Variants in LMF1 observed in about 807,000 individuals in gnomAD.
LMF1 encodes the protein transmembrane protein 112.
Under a neutral mutation model 60.6 loss-of-function variants are expected in LMF1, and 68 were observed. The observed-to-expected ratio is 1.12, with a 90% confidence interval of 0.92 to 1.37. LMF1 has a LOEUF of 1.37. Ranked by LOEUF, LMF1 falls within the 40% of genes most tolerant of loss-of-function variation. The pLI, the probability that LMF1 is intolerant of heterozygous loss-of-function variation, is 0.00. For missense variants in LMF1, 948 were observed against 767.2 expected (o/e 1.24, Z -2.78); for synonymous variants, 418 against 324.7 (o/e 1.29, Z -3.09).
chr16:962,236 G>C lies in LMF1; in HGVS notation c.194-7570C>G, dbSNP rs1292219303. ...ACTCACGGTGACAGCATGGGATCAC[G>C]ACCCAGACACAGACTCACGGTGACA... On this transcript the variant is annotated intron_variant, in intron 1 of 10. Transcript: ENST00000262301. This position sits in a 1 kb window ranked among gnomAD's most constrained non-coding sequence, Gnocchi z 4.5. Among the ~76,000 whole-genome samples, 2 of 149,340 alleles carry C rather than the reference G, an allele frequency of 1.3e-5. No individual in the cohort carries two copies. The highest frequency in any genetic ancestry group is 3.0e-5 in the Non-Finnish European group (2 of 67,312).
At chr16:979,567 T>C in intron 1 of LMF1, 2 of 445,484 alleles carry the variant, frequency 4.5e-6, no homozygotes, top group Non-Finnish European at 9.0e-6. Context: ...CCAACCTCAG[T>C]CTCCCTTCCT....
intron 2 of LMF1, among the ~76,000 whole-genome samples, chr16:949,638 T>A (rs413342): frequency 1.2e-5 from 1 of 80,426 alleles, no homozygotes; most frequent in African/African-American, 7.7e-5. Context: ...AATGACAGAG[T>A]CAGCCAATGA....
At chr16:864,657 A>ACTAT (rs562364151) in intron 10 of LMF1, among the ~76,000 whole-genome samples, 6 of 149,468 alleles carry the variant, frequency 4.0e-5, no homozygotes, top group Admixed American at 2.6e-4. Flanking sequence ...TATTTAAGTT[A>ACTAT]CTATCTTTTT....
Position 926,634 on chromosome 16 carries a change from TAC to T in LMF1, c.514+7608_514+7609del, listed in dbSNP as rs746963007. Among the ~76,000 whole-genome samples the T allele has an allele frequency of 1.1e-4, 17 of 152,282 alleles. No individual in the cohort carries two copies. The East Asian group carries it at 3.3e-3, about 29-fold the overall frequency. The stretch of plus-strand genomic sequence containing the variant: ...CAAAACAAGCGCCACCAAAGAAGAC[TAC>T]CCTAAAAACAAGCGCCACCAAAGCT... On this transcript the variant is annotated intron_variant, in intron 3 of 10. Transcript: ENST00000262301.
At chr16:876,857 G>A (rs896942781) in intron 6 of LMF1, among the ~76,000 whole-genome samples, 8 of 152,090 alleles carry the variant, frequency 5.3e-5, no homozygotes, top group African/African-American at 1.7e-4. Flanking sequence ...CATTAGAGGA[G>A]GGAAAATAAC....
At chr16:977,267 T>C (rs2073175288) in intron 1 of LMF1, among the ~76,000 whole-genome samples, 1 of 151,882 alleles carries the variant, frequency 6.6e-6, no homozygotes, top group South Asian at 2.1e-4. Flanking sequence ...CCCGAGACAG[T>C]GAAGTACAGG....
chr16:918,287 T>G (rs2071335544), intron 3 of LMF1, among the ~76,000 whole-genome samples: 1 of 152,202 alleles, frequency 6.6e-6, no homozygotes, highest in South Asian at 2.1e-4. Flanking sequence ...TCGTACTTGG[T>G]TGCCGTGACA....
chr16:874,677 T>A lies in LMF1; in HGVS notation c.898-3336A>T, dbSNP rs1362757171. ...AAGGATCACGGGAACCAGGACAGGC[T>A]CCGGGGGACGGTGCTCAGATGGGAA... On this transcript the variant is annotated intron_variant, in intron 6 of 10. Coordinates refer to ENST00000262301, the MANE Select transcript of LMF1 (RefSeq NM_022773.4). The surrounding 1 kb of genome is among the most constrained non-coding windows in gnomAD (Gnocchi z 4.1). 6.6e-6 allele frequency among the ~76,000 whole-genome samples: 1 copy of A among 151,974 alleles called. No homozygotes were observed. The highest frequency in any genetic ancestry group is 2.4e-5 in the African/African-American group (1 of 41,352).
upstream of LMF1, among the ~76,000 whole-genome samples, chr16:972,358 G>A (rs80012858): frequency 6.6e-6 from 1 of 152,228 alleles, no homozygotes; most frequent in African/African-American, 2.4e-5. Flanking sequence ...CCCAGCCTCC[G>A]GGAGCGTGGT....
At chr16:931,404 C>T (rs2071780535) in intron 3 of LMF1, among the ~76,000 whole-genome samples, 1 of 152,234 alleles carries the variant, frequency 6.6e-6, no homozygotes, top group African/African-American at 2.4e-5. Context: ...CCGCCCTGAA[C>T]CACCTGATCT....
intron 1 of LMF1, chr16:979,453 G>T (rs1415871701): frequency 1.1e-5 from 4 of 355,892 alleles, no homozygotes; most frequent in Non-Finnish European, 2.2e-5. Context: ...CTCCCCTGGT[G>T]ATCACTGCAA....
At position 869,467 on chromosome 16, in the gene LMF1, C is replaced by T. The variant is rs182086501; in HGVS notation, c.1417-411G>A. Reference sequence around the variant, plus strand: ...TGTTCGCTGAGACAGGGTCTGGCTCCGTCCCCCAGACTGGAAGGCAACGCT... The same window carrying T: ...TGTTCGCTGAGACAGGGTCTGGCTCTGTCCCCCAGACTGGAAGGCAACGCT... On this transcript the variant is annotated intron_variant, in intron 9 of 10. Coordinates refer to ENST00000262301, the MANE Select transcript of LMF1 (RefSeq NM_022773.4). 2.2e-3 allele frequency: 1,213 copies of T among 543,820 alleles called. 9 individuals are homozygous for T. The highest frequency in any genetic ancestry group is 5.6e-3 in the East Asian group (121 of 21,772). 33.7% of individuals were successfully genotyped at this position (543,820 alleles called of 1,614,324 possible). A position where few individuals can be genotyped will look rare whatever the true frequency, so the allele number is the denominator to read the frequency against.
At chr16:933,298 A>G (rs1400070117) in intron 3 of LMF1, 1 of 152,244 alleles carries the variant, frequency 6.6e-6, no homozygotes, top group African/African-American at 2.4e-5. Flanking sequence ...TTTACGTTTT[A>G]ACAGATTCTG....
intron 3 of LMF1, among the ~76,000 whole-genome samples, chr16:911,578 G>A (rs2071117209): frequency 2.0e-5 from 1 of 51,236 alleles, no homozygotes; most frequent in Non-Finnish European, 3.6e-5. Flanking sequence ...AGGCAGCACT[G>A]GGGGGGCAGC....
At chr16:914,702 CCCT>C (rs2071228755) in intron 3 of LMF1, among the ~76,000 whole-genome samples, 11 of 98,314 alleles carry the variant, frequency 1.1e-4, no homozygotes, top group Admixed American at 1.2e-4. Context: ...GTGACACACT[CCCT>C]CCCACGACCA....
At chr16:888,295 G>A (rs955232297) in intron 5 of LMF1, among the ~76,000 whole-genome samples, 2 of 152,212 alleles carry the variant, frequency 1.3e-5, no homozygotes, top group Admixed American at 6.5e-5. Context: ...TGGAAGGAGC[G>A]CCGTGGGACT....
intron 4 of LMF1, among the ~76,000 whole-genome samples, chr16:898,181 A>T (rs549200722): frequency 6.6e-6 from 1 of 152,244 alleles, no homozygotes; most frequent in East Asian, 1.9e-4. Context: ...TGACTGGCTC[A>T]TCGACACTGG....
rs144788100 is a variant in LMF1 at position 861,492 on chromosome 16, G to A, written c.1530-6786C>T. ...CCTACCTCAGCCTCCTGAGTAGCTG[G>A]GATTACAGGCATGCGTCACCACACC... On this transcript the variant is annotated intron_variant, in intron 10 of 10. Transcript: ENST00000262301. Among the ~76,000 whole-genome samples, 507 of 151,426 alleles carry A rather than the reference G, an allele frequency of 3.3e-3. 3 individuals are homozygous for A. The highest frequency in any genetic ancestry group is 5.5e-3 in the Non-Finnish European group (371 of 67,852).
rs112737905 is a variant in LMF1 at position 857,214 on chromosome 16, C to T, written c.1530-2508G>A. Among the ~76,000 whole-genome samples, 881 of 152,336 alleles carry T rather than the reference C, an allele frequency of 5.8e-3. 13 individuals carry two copies. The highest frequency in any genetic ancestry group is 0.02 in the African/African-American group (846 of 41,570). ...TGCAGTTTTTGTCTGTGACGGCTGCCGTAAACCTCTGCACGGGTTTCTGCG... is the reference window on the plus strand; with the variant it reads ...TGCAGTTTTTGTCTGTGACGGCTGCTGTAAACCTCTGCACGGGTTTCTGCG... On this transcript the variant is annotated intron_variant, in intron 10 of 10. Transcript: ENST00000262301.
Sources: gnomAD v4.1 joint callset for allele counts (sites outside exome capture counted in the v4.1 genomes callset) on GRCh38, gnomAD v4.1.1 for gene constraint, Gnocchi (gnomAD v3.1) non-coding constraint, MANE v1.5 for transcripts, NCBI Gene and HGNC (gene_info 2026-07-23, HGNC 2026-07-21) for gene names.